Variants in PRKAG2 observed in about 807,000 individuals in gnomAD.
The protein encoded by PRKAG2 is protein kinase AMP-activated non-catalytic subunit gamma 2, also known as 5'-AMP-activated protein kinase subunit gamma-2.
A neutral mutation model predicts 69.6 loss-of-function variants in PRKAG2; 26 were observed. That is an observed-to-expected ratio of 0.37 (90% confidence interval 0.27 to 0.52). The LOEUF is 0.52. PRKAG2 is among the 20% of genes least tolerant of loss of function. The pLI is 0.90. For missense variants in PRKAG2, 557 were observed against 740.0 expected, an observed-to-expected ratio of 0.75 and a Z score of 2.87; for synonymous variants, 293 against 285.0, an observed-to-expected ratio of 1.03 and a Z score of -0.28.
intron 3 of PRKAG2, among the ~76,000 whole-genome samples, chr7:151,770,150 T>C (rs938644588): frequency 1.3e-5 from 2 of 152,214 alleles, no homozygotes; most frequent in African/African-American, 4.8e-5. Flanking sequence ...ACCAGCTGTC[T>C]GATGCTGCCC....
intron 6 of PRKAG2, among the ~76,000 whole-genome samples, chr7:151,592,634 A>G (rs547384840): frequency 6.6e-6 from 1 of 152,324 alleles, no homozygotes; most frequent in East Asian, 1.9e-4. Flanking sequence ...TCCTCAGAGT[A>G]ACGTGGTCAT....
chr7:151,618,915 C>A (rs76863284), intron 5 of PRKAG2, among the ~76,000 whole-genome samples: 3,498 of 152,078 alleles, frequency 0.023, 134 homozygotes, highest in African/African-American at 0.08. Flanking sequence ...TTCCCCTTTC[C>A]ATGCTTTTTG....
intron 3 of PRKAG2, among the ~76,000 whole-genome samples, chr7:151,695,145 G>A (rs984781675): frequency 2.1e-4 from 32 of 152,234 alleles, no homozygotes; most frequent in Admixed American, 1.6e-3. Flanking sequence ...CATAACAGGG[G>A]GGTTGGGGGT....
chr7:151,602,083 G>A lies in PRKAG2; in HGVS notation c.755-6629C>T, dbSNP rs192526149. On this transcript the variant is annotated intron_variant, in intron 5 of 15. Transcript: ENST00000287878. The stretch of plus-strand genomic sequence containing the variant: ...AGAGCGGCACAGAGAGATCTGGTCC[G>A]TGTCCGCCATCGCTGCTAAGGATGA... 5.3e-5 allele frequency among the ~76,000 whole-genome samples: 8 copies of A among 152,350 alleles called. No individual in the cohort carries two copies. The East Asian group carries it at 1.3e-3, about 26-fold the overall frequency.
chr7:151,643,064 G>A (rs1034082322), intron 4 of PRKAG2, among the ~76,000 whole-genome samples: 1 of 152,156 alleles, frequency 6.6e-6, no homozygotes, highest in African/African-American at 2.4e-5. Flanking sequence ...AAATTCATTC[G>A]TTACAGTCTG....
Position 151,835,773 on chromosome 7 carries a change from C to T in PRKAG2, c.114+40734G>A, listed in dbSNP as rs769837560. On this transcript the variant is annotated intron_variant, in intron 1 of 15. Coordinates refer to ENST00000287878, the MANE Select transcript of PRKAG2 (RefSeq NM_016203.4). The surrounding 1 kb of genome is among the most constrained non-coding windows in gnomAD (Gnocchi z 4.1). ...TTCCATTGGTCTGGATCGGACATCC[C>T]GGGGGCTCTCGTGGGCAGCCTGGTG... Among the ~76,000 whole-genome samples the T allele has an allele frequency of 2.0e-5, 3 of 152,178 alleles. No homozygotes were observed. The highest frequency in any genetic ancestry group is 1.9e-4 in the East Asian group (1 of 5,186).
At position 151,651,367 on chromosome 7, in the gene PRKAG2, G is replaced by A. The variant is rs187553487; in HGVS notation, c.685-19229C>T. ...CATGCCTGTAATCCCAGCACTTTGG[G>A]AGGCCAAGGTGGGCAGATCACTTGA... On this transcript the variant is annotated intron_variant, in intron 4 of 15. Coordinates refer to ENST00000287878, the MANE Select transcript of PRKAG2 (RefSeq NM_016203.4). Among the ~76,000 whole-genome samples the A allele has an allele frequency of 3.9e-5, 6 of 152,306 alleles. No homozygotes were observed. The East Asian group carries it at 1.2e-3, about 29-fold the overall frequency.
chr7:151,799,070 A>G (rs929211863), intron 1 of PRKAG2, among the ~76,000 whole-genome samples: 1 of 152,016 alleles, frequency 6.6e-6, no homozygotes, highest in Admixed American at 6.6e-5. Context: ...TTCTGTTCCC[A>G]ACTGGCCCGG....
At position 151,828,941 on chromosome 7, in the gene PRKAG2, C is replaced by T. The variant is rs1285686356; in HGVS notation, c.115-42400G>A. Among the ~76,000 whole-genome samples, 2 of 152,080 alleles carry T rather than the reference C, an allele frequency of 1.3e-5. No homozygotes were observed. Among genetic ancestry groups the T allele is most frequent in the African/African-American group, 4.8e-5 (2 of 41,410 alleles). On this transcript the variant is annotated intron_variant, in intron 1 of 15. Transcript: ENST00000287878. The surrounding 1 kb of genome is among the most constrained non-coding windows in gnomAD (Gnocchi z 4.6). Reference sequence around the variant, plus strand: ...AGCAAAACAGAACAATAAAAAATAACTGCTTATACTTGTGTTTATTTGACG... The same window carrying T: ...AGCAAAACAGAACAATAAAAAATAATTGCTTATACTTGTGTTTATTTGACG...
At chr7:151,830,363 C>T (rs570941945) in intron 1 of PRKAG2, among the ~76,000 whole-genome samples, 1 of 151,924 alleles carries the variant, frequency 6.6e-6, no homozygotes, top group Non-Finnish European at 1.5e-5. Context: ...CCAGGGTGCA[C>T]CTCTTTCCTC....
intron 1 of PRKAG2, among the ~76,000 whole-genome samples, chr7:151,852,411 C>T (rs901190245): frequency 6.6e-6 from 1 of 152,138 alleles, no homozygotes; most frequent in African/African-American, 2.4e-5. Flanking sequence ...AGGAGAATTG[C>T]TTGAACCCAG....
At chr7:151,769,208 A>G (rs1402466539) in intron 3 of PRKAG2, among the ~76,000 whole-genome samples, 2 of 152,196 alleles carry the variant, frequency 1.3e-5, no homozygotes, top group Non-Finnish European at 2.9e-5. Flanking sequence ...GAAAGTAAAC[A>G]TCAAAGAAAA....
At chr7:151,792,023 T>A (rs962358344) in intron 1 of PRKAG2, among the ~76,000 whole-genome samples, 13 of 152,188 alleles carry the variant, frequency 8.5e-5, no homozygotes, top group African/African-American at 3.1e-4. Flanking sequence ...TGTAACCAGG[T>A]CCACCTGCTC....
At chr7:151,861,527 C>CAAAAAAA (rs1563762540) in intron 1 of PRKAG2, among the ~76,000 whole-genome samples, 8,839 of 59,350 alleles carry the variant, frequency 0.15, 737 homozygotes, top group East Asian at 0.21. Context: ...GACTCTGTCT[C>CAAAAAAA]CAAAAAAAAA....
chr7:151,797,935 A>G (rs2151834483), intron 1 of PRKAG2, among the ~76,000 whole-genome samples: 1 of 152,376 alleles, frequency 6.6e-6, no homozygotes, highest in Middle Eastern at 3.4e-3. Context: ...ATAAGAATGT[A>G]TCTCATGGTT....
At chr7:151,871,993 AAT>A (rs1255908769) in intron 1 of PRKAG2, among the ~76,000 whole-genome samples, 1 of 152,226 alleles carries the variant, frequency 6.6e-6, no homozygotes, top group Non-Finnish European at 1.5e-5. Flanking sequence ...TACTCCTCAG[AAT>A]CCAAGATGTC....
chr7:151,573,344 T>G (rs1238233871), intron 8 of PRKAG2, among the ~76,000 whole-genome samples: 3 of 130,988 alleles, frequency 2.3e-5, no homozygotes, highest in East Asian at 2.3e-4. Context: ...TTTTTTTTTT[T>G]TTTTTTTTTT....
chr7:151,834,918 T>C (rs1586691513), intron 1 of PRKAG2, among the ~76,000 whole-genome samples: 1 of 152,188 alleles, frequency 6.6e-6, no homozygotes, highest in Non-Finnish European at 1.5e-5. Flanking sequence ...CAGCTACGGG[T>C]GGCTGCCGGC....
chr7:151,657,299 C>T (rs1282192037), intron 4 of PRKAG2, among the ~76,000 whole-genome samples: 1 of 152,176 alleles, frequency 6.6e-6, no homozygotes, highest in Non-Finnish European at 1.5e-5. Flanking sequence ...AAAGCTTGCA[C>T]CTTTCCTCTC....
Sources: gnomAD v4.1 joint callset for allele counts (sites outside exome capture counted in the v4.1 genomes callset) on GRCh38, gnomAD v4.1.1 for gene constraint, Gnocchi (gnomAD v3.1) non-coding constraint, MANE v1.5 for transcripts, NCBI Gene and HGNC (gene_info 2026-07-23, HGNC 2026-07-21) for gene names.